PALD1: variants seen among roughly 807,000 people sequenced by gnomAD.
PALD1 encodes paladin.
A neutral mutation model predicts 96.0 loss-of-function variants in PALD1; 57 were observed. The ratio of observed to expected loss-of-function variants is 0.59; its 90% CI spans 0.48 to 0.74. PALD1 has a LOEUF of 0.74. Ranked by LOEUF, PALD1 falls within the 30% of genes least tolerant of loss-of-function variation. The probability of loss-of-function intolerance (pLI) is 0.00; values close to 1 mark genes in which losing one functional copy is unlikely to be tolerated. For missense variants in PALD1, 1,063 were observed against 1,143.7 expected (o/e 0.93, Z 1.02); for synonymous variants, 464 against 473.6 (o/e 0.98, Z 0.26).
At chr10:70,561,450 G>C (rs1847736497) in intron 18 of PALD1, among the ~76,000 whole-genome samples, 1 of 152,224 alleles carries the variant, frequency 6.6e-6, no homozygotes, top group African/African-American at 2.4e-5. Context: ...GTGGGGTGGA[G>C]AGCGGCCAGT....
the PALD1 span, among the ~76,000 whole-genome samples, chr10:70,468,712 G>A: frequency 7.1e-6 from 1 of 140,224 alleles, no homozygotes; most frequent in South Asian, 2.2e-4. Flanking sequence ...CTGTGTGTGT[G>A]TGTGTGTGTG....
In PALD1 at chr10:70,538,881, T is replaced by G. The variant is rs1347101675; in HGVS notation, c.1453-11T>G. 1.9e-6 allele frequency: 3 copies of G among 1,608,062 alleles called. No homozygotes were observed. The highest frequency in any genetic ancestry group is 2.2e-5 in the East Asian group (1 of 44,862). ...CTGCTGTGGGTCCCAGGCTTGGTGC[T>G]CTCCCCACAGCGGGAGGACGATCTG... On this transcript the variant is annotated splice_polypyrimidine_tract_variant and intron_variant, in intron 12 of 19. Coordinates refer to ENST00000263563, the MANE Select transcript of PALD1 (RefSeq NM_014431.3).
chr10:70,507,326 C>T (rs139333734), intron 1 of PALD1, among the ~76,000 whole-genome samples: 3,967 of 152,062 alleles, frequency 0.026, 161 homozygotes, highest in African/African-American at 0.088. Context: ...GCAGGAGAAT[C>T]GCTTGAATAC....
rs1847078474 is a variant in PALD1, at chr10:70,534,911, A to G, written c.1227+68A>G. ...GCCCTGCAGCCTGATTTCATTAGGC[A>G]TGTTGACTGGTTTCTTTCAGACTGA... On this transcript the variant is annotated intron_variant, in intron 10 of 19. Transcript: ENST00000263563. 1.8e-5 allele frequency: 19 copies of G among 1,049,054 alleles called. No individual in the cohort carries two copies. The South Asian group carries it at 2.0e-4, about 11-fold the overall frequency. The allele number at this position is 1,049,054 out of a possible 1,614,324, so 65.0% of individuals were successfully genotyped here. A position where few individuals can be genotyped will look rare whatever the true frequency, so the allele number is the denominator to read the frequency against.
chr10:70,541,247 G>A lies in PALD1; in HGVS notation c.2049+5G>A, dbSNP rs781600393. On this transcript the variant is annotated splice_donor_5th_base_variant and intron_variant, in intron 16 of 19. Coordinates refer to ENST00000263563, the MANE Select transcript of PALD1 (RefSeq NM_014431.3). ...CTGGCCTTCTGGCACATCCAAGTAC[G>A]TGTGGCCTCTCAAGTGAGATTAGAG... 22 of 1,600,626 alleles carry A rather than the reference G, an allele frequency of 1.4e-5. No individual in the cohort carries two copies. Among genetic ancestry groups the A allele is most frequent in the Middle Eastern group, 1.7e-4 (1 of 5,990 alleles).
intron 5 of PALD1, 139 bp from the exon 6 acceptor site, chr10:70,532,482 G>T: frequency 1.3e-6 from 1 of 793,022 alleles, no homozygotes; most frequent in Non-Finnish European, 2.0e-6. Flanking sequence ...AGCACTTCTG[G>T]CTGTGTAGTT....
intron 1 of PALD1, among the ~76,000 whole-genome samples, chr10:70,502,428 A>G (rs1239576182): frequency 2.7e-5 from 4 of 148,996 alleles, no homozygotes; most frequent in Non-Finnish European, 5.9e-5. Flanking sequence ...ACAGAACTGT[A>G]CTGGATACCT....
At chr10:70,483,694 T>A (rs1845971154) in intron 1 of PALD1, among the ~76,000 whole-genome samples, 1 of 152,198 alleles carries the variant, frequency 6.6e-6, no homozygotes, top group South Asian at 2.1e-4. Context: ...AATGGAGGCC[T>A]GGGACGCTGG....
At chr10:70,529,149 G>A in intron 2 of PALD1, 80 bp from the exon 3 acceptor site, 1 of 649,470 alleles carries the variant, frequency 1.5e-6, no homozygotes, top group Admixed American at 2.1e-5. Context: ...CCTGCGGTGG[G>A]CTCTGTGAGG....
At chr10:70,468,702 C>CTGTGTGTGTGTG in the PALD1 span, among the ~76,000 whole-genome samples, 520 of 123,870 alleles carry the variant, frequency 4.2e-3, 6 homozygotes, top group African/African-American at 0.012. Context: ...TGAGGCAGGA[C>CTGTGTGTGTGTG]TGTGTGTGTG....
rs61307157 is a variant in PALD1, at chr10:70,508,843, C to CTGTGTGTG, written c.-29-17073_-29-17066dup. Among the ~76,000 whole-genome samples the CTGTGTGTG allele has an allele frequency of 7.3e-4, 69 of 94,612 alleles. 6 individuals carry two copies. The highest frequency in any genetic ancestry group is 2.7e-3 in the African/African-American group (63 of 22,944). 62.1% of individuals were successfully genotyped at this position (94,612 alleles called of 152,430 possible). Reference sequence around the variant, plus strand: ...TGCAGGCCTGTGGGAGCTGCGGAACCTGTGTGTGTGTGTGCAGGCCTGTGG... The same window carrying CTGTGTGTG: ...TGCAGGCCTGTGGGAGCTGCGGAACCTGTGTGTGTGTGTGTGTGTGTGCAGGCCTGTGG... On this transcript the variant is annotated intron_variant, in intron 1 of 19. Coordinates refer to ENST00000263563, the MANE Select transcript of PALD1 (RefSeq NM_014431.3).
rs35468231 is a variant in PALD1 at position 70,529,208 on chromosome 10, GCCCCCCCCC to G, written c.186-11_186-3del. On this transcript the variant is annotated splice_polypyrimidine_tract_variant and intron_variant, in intron 2 of 19. Coordinates refer to ENST00000263563, the MANE Select transcript of PALD1 (RefSeq NM_014431.3). ...GGTTGCTTGACTCAGTTTCCATTCTGCCCCCCCCCCCCCCCCCCAGGTACAACTGCAAGG... is the reference window on the plus strand; with the variant it reads ...GGTTGCTTGACTCAGTTTCCATTCTGCCCCCCCCCAGGTACAACTGCAAGG... 2.5e-4 allele frequency: 70 copies of G among 274,602 alleles called. 17 individuals are homozygous for G. Among genetic ancestry groups the G allele is most frequent in the Admixed American group, 5.4e-4 (10 of 18,354 alleles). The allele number at this position is 274,602 out of a possible 1,614,324, so 17.0% of individuals were successfully genotyped here.
At position 70,539,155 on chromosome 10, in the gene PALD1, G is replaced by C. The variant is rs1487827849; in HGVS notation, c.1633G>C (p.Val545Leu). The C allele has an allele frequency of 3.1e-6, 5 of 1,613,508 alleles. No individual in the cohort carries two copies. Among genetic ancestry groups the C allele is most frequent in the Non-Finnish European group, 4.2e-6 (5 of 1,179,810 alleles). The change falls in exon 14 of 20, where the codon GTG becomes CTG. Residue 545 changes from valine (V) to leucine (L), a missense_variant. Coordinates refer to ENST00000263563, the MANE Select transcript of PALD1 (RefSeq NM_014431.3). The surrounding 1 kb of genome is among the most constrained non-coding windows in gnomAD (Gnocchi z 4.5). ...GAGGAGGCTGCGGAAGGTTGTCTGG[G>C]TGAGCCTTCGGGAGGAGGCCGTGTT... ...AKRRLRKVVW[V>L]SLREEAVLEC...
chr10:70,477,404 C>T (rs1437854316), upstream of PALD1, among the ~76,000 whole-genome samples: 1 of 152,238 alleles, frequency 6.6e-6, no homozygotes, highest in Non-Finnish European at 1.5e-5. Flanking sequence ...TTGTGAGCCA[C>T]TTTGAGCCTA....
At chr10:70,489,098 T>A (rs1394901676) in intron 1 of PALD1, among the ~76,000 whole-genome samples, 1 of 152,146 alleles carries the variant, frequency 6.6e-6, no homozygotes, top group East Asian at 1.9e-4. Flanking sequence ...AGAGGGACCC[T>A]TGGGGAGTTG....
Position 70,537,845 on chromosome 10 carries a change from C to T in PALD1, c.1262C>T (p.Ala421Val), listed in dbSNP as rs760008968. 3.1e-6 allele frequency: 5 copies of T among 1,613,710 alleles called. No homozygotes were observed. In the Admixed American group the frequency reaches 5.0e-5, roughly 16 times the overall value. Residue 421 changes from alanine (A) to valine (V), a missense_variant, in exon 11 of 20, where the codon GCG becomes GTG. By Grantham distance (64) the Ala-to-Val change is moderately conservative. Coordinates refer to ENST00000263563, the MANE Select transcript of PALD1 (RefSeq NM_014431.3). ...AGCCGACACAGCGTCTGGCAGAGGGCGCTGTGGAGCCTGGAGCGATACTTC... is the reference window on the plus strand; with the variant it reads ...AGCCGACACAGCGTCTGGCAGAGGGTGCTGTGGAGCCTGGAGCGATACTTC... ...SGSRHSVWQR[A>V]LWSLERYFYL... is the part of the protein sequence containing the mutation.
intron 1 of PALD1, among the ~76,000 whole-genome samples, chr10:70,505,428 C>G (rs1846366751): frequency 6.6e-6 from 1 of 151,778 alleles, no homozygotes; most frequent in Non-Finnish European, 1.5e-5. Context: ...ATGGAGAAAC[C>G]CCATCTCTAC....
At chr10:70,546,566 G>A (rs770752146) in intron 17 of PALD1, among the ~76,000 whole-genome samples, 3 of 152,160 alleles carry the variant, frequency 2.0e-5, no homozygotes, top group Non-Finnish European at 4.4e-5. Context: ...TGTGTAGTGT[G>A]CAAGACATTA....
chr10:70,507,942 C>A (rs1173229432), intron 1 of PALD1, among the ~76,000 whole-genome samples: 3 of 152,216 alleles, frequency 2.0e-5, no homozygotes, highest in Non-Finnish European at 2.9e-5. Context: ...TGAAGGCCAG[C>A]ACCAGGTCCT....
Sources: gnomAD v4.1 joint callset for allele counts (sites outside exome capture counted in the v4.1 genomes callset) on GRCh38, gnomAD v4.1.1 for gene constraint, Gnocchi (gnomAD v3.1) non-coding constraint, MANE v1.5 for transcripts, NCBI Gene and HGNC (gene_info 2026-07-23, HGNC 2026-07-21) for gene names.